LRIG1: variants seen among roughly 807,000 people sequenced by gnomAD.
LRIG1 encodes leucine rich repeats and immunoglobulin like domains 1.
In LRIG1, 48 loss-of-function variants were observed where a neutral mutation model predicts 99.2. The observed-to-expected ratio is 0.48, with a 90% CI of 0.38 to 0.62. The LOEUF (loss-of-function observed/expected upper bound fraction) is 0.62, where lower values mean the gene tolerates loss of function less well. LRIG1 is among the 20% of genes least tolerant of loss of function. The probability of loss-of-function intolerance (pLI) is 0.00; values close to 1 mark genes in which losing one functional copy is unlikely to be tolerated. For missense variants in LRIG1, 1,646 were observed against 1,434.4 expected, an observed-to-expected ratio of 1.15 and a Z score of -2.38; for synonymous variants, 772 against 596.1, an observed-to-expected ratio of 1.29 and a Z score of -4.30.
chr3:66,411,605 G>A (rs1171898067), intron 6 of LRIG1, among the ~76,000 whole-genome samples: 8 of 152,168 alleles, frequency 5.3e-5, no homozygotes, highest in Non-Finnish European at 1.2e-4. Context: ...AGAGTAGGGA[G>A]GGCTGGTCAT....
rs1161409603 is a variant in LRIG1, at chr3:66,500,322, T to C, written c.86A>G (p.Glu29Gly). The C allele has an allele frequency of 6.7e-7, 1 of 1,489,390 alleles. No individual in the cohort carries two copies. The highest frequency in any genetic ancestry group is 8.9e-7 in the Non-Finnish European group (1 of 1,125,044). The allele number at this position is 1,489,390 out of a possible 1,614,324, so 92.3% of individuals were successfully genotyped here. Residue 29 changes from glutamate (E) to glycine (G), a missense_variant, in exon 1 of 19, where the codon GAG becomes GGG. Glu to Gly is a moderately conservative substitution (Grantham distance 98). Transcript: ENST00000273261. ...CGGGCCGGCCGCGGCGGTCACCGGCTCCAGCCGAAGCAAAAGCAGCCAGAG... is the reference window on the plus strand; with the variant it reads ...CGGGCCGGCCGCGGCGGTCACCGGCCCCAGCCGAAGCAAAAGCAGCCAGAG... ...LLLWLLLLRL[E>G]PVTAAAGPRA...
intron 3 of LRIG1, among the ~76,000 whole-genome samples, chr3:66,448,108 C>A (rs1215090954): frequency 6.6e-6 from 1 of 152,190 alleles, no homozygotes; most frequent in Non-Finnish European, 1.5e-5. Context: ...TAAATCTGTT[C>A]TTTGACAAAT....
chr3:66,447,206 C>T (rs906453473), intron 3 of LRIG1, among the ~76,000 whole-genome samples: 3 of 151,994 alleles, frequency 2.0e-5, no homozygotes, highest in Non-Finnish European at 2.9e-5. Flanking sequence ...AGCATTTATC[C>T]TTTGTATTAC....
intron 3 of LRIG1, among the ~76,000 whole-genome samples, chr3:66,446,816 G>T (rs1361782599): frequency 6.6e-6 from 1 of 150,928 alleles, no homozygotes; most frequent in Non-Finnish European, 1.5e-5. Context: ...AGTCTTCCAG[G>T]TTCATTTGTT....
At chr3:66,484,951 C>T (rs1193697733) in intron 1 of LRIG1, among the ~76,000 whole-genome samples, 2 of 151,968 alleles carry the variant, frequency 1.3e-5, no homozygotes, top group African/African-American at 4.8e-5. Flanking sequence ...CCCAGGTGTT[C>T]GAGACCAGCC....
chr3:66,470,310 C>T (rs1700568554), intron 1 of LRIG1, among the ~76,000 whole-genome samples: 2 of 152,100 alleles, frequency 1.3e-5, no homozygotes, highest in South Asian at 2.1e-4. Flanking sequence ...GGCCAGATGG[C>T]GTCCAGAGCA....
chr3:66,416,584 AT>A (rs1233993008), intron 4 of LRIG1, among the ~76,000 whole-genome samples: 1 of 152,204 alleles, frequency 6.6e-6, no homozygotes, highest in Non-Finnish European at 1.5e-5. Flanking sequence ...TGGGACATTA[AT>A]ATGGGTAAGA....
intron 3 of LRIG1, among the ~76,000 whole-genome samples, chr3:66,439,574 T>A (rs1009823756): frequency 5.3e-4 from 78 of 145,980 alleles, no homozygotes; most frequent in Middle Eastern, 7.0e-3. Context: ...TTTTTTTTTT[T>A]TAAAAAGAGC....
chr3:66,497,695 C>G (rs1575738926), intron 1 of LRIG1, among the ~76,000 whole-genome samples: 1 of 109,006 alleles, frequency 9.2e-6, no homozygotes, highest in Non-Finnish European at 1.8e-5. Context: ...ACATCAGACG[C>G]ACTGTTTACA....
intron 3 of LRIG1, among the ~76,000 whole-genome samples, chr3:66,445,452 G>A (rs1703684754): frequency 6.6e-6 from 1 of 152,002 alleles, no homozygotes; most frequent in African/African-American, 2.4e-5. Context: ...CTGGTGACTG[G>A]TGGAGGGACC....
chr3:66,430,187 CAACAA>C (rs869030266), intron 3 of LRIG1, among the ~76,000 whole-genome samples: 1 of 140,664 alleles, frequency 7.1e-6, no homozygotes. Flanking sequence ...ACAACAACAA[CAACAA>C]AAAAAAAACA....
chr3:66,420,655 C>G (rs576200425), intron 3 of LRIG1, among the ~76,000 whole-genome samples: 1 of 152,200 alleles, frequency 6.6e-6, no homozygotes, highest in African/African-American at 2.4e-5. Flanking sequence ...ATGAGCATTG[C>G]GGACATGATG....
At chr3:66,446,436 GTTC>G (rs981772631) in intron 3 of LRIG1, among the ~76,000 whole-genome samples, 2 of 103,966 alleles carry the variant, frequency 1.9e-5, no homozygotes, top group Non-Finnish European at 3.7e-5. Flanking sequence ...GAAAGAGTTT[GTTC>G]TTCTCTCCCA....
intron 1 of LRIG1, among the ~76,000 whole-genome samples, chr3:66,480,425 A>G (rs1050604239): frequency 6.6e-5 from 10 of 152,126 alleles, no homozygotes; most frequent in Non-Finnish European, 1.5e-4. Flanking sequence ...CTATCATTGA[A>G]AAGGATGAGT....
chr3:66,428,212 A>C (rs999704838), intron 3 of LRIG1, among the ~76,000 whole-genome samples: 2 of 152,236 alleles, frequency 1.3e-5, no homozygotes, highest in East Asian at 3.8e-4. Context: ...GTCTGGCCTT[A>C]GCAGACACTG....
At chr3:66,402,022 G>A (rs1338081447) in intron 9 of LRIG1, among the ~76,000 whole-genome samples, 2 of 151,836 alleles carry the variant, frequency 1.3e-5, no homozygotes, top group Admixed American at 6.6e-5. Flanking sequence ...CTGCAGGCCC[G>A]GCCCCCACAT....
chr3:66,444,869 TTA>T (rs10550530), intron 3 of LRIG1, among the ~76,000 whole-genome samples: 147,121 of 149,748 alleles, frequency 0.98, 72,292 homozygotes, highest in Non-Finnish European at 0.99. Flanking sequence ...CTTTAGATAA[TTA>T]TATATATATA....
At chr3:66,384,756 C>T (rs1701282016) in intron 13 of LRIG1, among the ~76,000 whole-genome samples, 1 of 152,166 alleles carries the variant, frequency 6.6e-6, no homozygotes, top group African/African-American at 2.4e-5. Flanking sequence ...GTTGTTCACC[C>T]AGGCTGTTCC....
chr3:66,495,491 G>A (rs990516193), intron 1 of LRIG1, among the ~76,000 whole-genome samples: 2 of 152,188 alleles, frequency 1.3e-5, no homozygotes, highest in African/African-American at 4.8e-5. Flanking sequence ...AGGCTTGCTC[G>A]TGAAACTTAA....
Sources: allele counts gnomAD v4.1 joint callset (sites outside exome capture counted in the v4.1 genomes callset), GRCh38; gene constraint gnomAD v4.1.1; transcripts MANE v1.5; gene names NCBI Gene and HGNC (gene_info 2026-07-23, HGNC 2026-07-21).